GALNT2: variants seen among roughly 807,000 people sequenced by gnomAD.
GALNT2 encodes UDP-GalNAc:polypeptide N-acetylgalactosaminyltransferase 2.
Under a neutral mutation model 81.4 loss-of-function variants are expected in GALNT2, and 31 were observed. That is an observed-to-expected ratio of 0.38 (90% CI 0.29 to 0.51). GALNT2 has a LOEUF of 0.51. Ranked by LOEUF, GALNT2 falls within the 20% of genes least tolerant of loss-of-function variation. GALNT2 has a pLI of 0.87. For synonymous variants in GALNT2, 303 were observed against 287.4 expected, an observed-to-expected ratio of 1.05 and a Z score of -0.55; for missense variants, 629 against 765.7, an observed-to-expected ratio of 0.82 and a Z score of 2.11.
At chr1:230,247,320 T>C (rs1558159432) in intron 8 of GALNT2, among the ~76,000 whole-genome samples, 1 of 152,232 alleles carries the variant, frequency 6.6e-6, no homozygotes, top group Non-Finnish European at 1.5e-5. Flanking sequence ...CATTGTGGGC[T>C]TTGGCCCCAC....
intron 1 of GALNT2, among the ~76,000 whole-genome samples, chr1:230,101,668 T>C (rs1322288388): frequency 1.3e-5 from 2 of 152,044 alleles, no homozygotes; most frequent in African/African-American, 4.8e-5. Context: ...AACATAAGAG[T>C]GATGGAGGAA....
chr1:230,133,821 G>A (rs1253738598), intron 1 of GALNT2, among the ~76,000 whole-genome samples: 1 of 152,174 alleles, frequency 6.6e-6, no homozygotes, highest in Admixed American at 6.5e-5. Context: ...CCCGTAGCCT[G>A]CTTTTCTCAT....
intron 10 of GALNT2, among the ~76,000 whole-genome samples, chr1:230,251,753 G>A (rs1013494049): frequency 3.3e-5 from 5 of 152,178 alleles, no homozygotes; most frequent in East Asian, 1.9e-4. Flanking sequence ...GCAGCGTATC[G>A]TGTAGGTGGC....
chr1:230,242,315 A>G (rs1254301617), intron 6 of GALNT2, among the ~76,000 whole-genome samples: 1 of 152,198 alleles, frequency 6.6e-6, no homozygotes, highest in Non-Finnish European at 1.5e-5. Context: ...TTTTGCAATT[A>G]TCACAACTTA....
intron 10 of GALNT2, among the ~76,000 whole-genome samples, chr1:230,252,032 C>T (rs1665559891): frequency 2.0e-5 from 3 of 152,196 alleles, no homozygotes; most frequent in Admixed American, 1.3e-4. Flanking sequence ...AGGAGCACAT[C>T]TCTGCCCAGG....
chr1:230,175,513 G>T (rs1036706520), intron 1 of GALNT2, among the ~76,000 whole-genome samples: 1 of 151,564 alleles, frequency 6.6e-6, no homozygotes, highest in Non-Finnish European at 1.5e-5. Context: ...TTAGGCAGCA[G>T]TCACCATGGT....
At chr1:230,260,903 C>G (rs1665857837) in intron 11 of GALNT2, among the ~76,000 whole-genome samples, 1 of 152,142 alleles carries the variant, frequency 6.6e-6, no homozygotes, top group African/African-American at 2.4e-5. Context: ...CTTGTTTGCT[C>G]ACTGGCTCTC....
chr1:230,275,271 G>A lies in GALNT2; in HGVS notation c.1560+707G>A, dbSNP rs1336956631. On this transcript the variant is annotated intron_variant, in intron 15 of 15. Coordinates refer to ENST00000366672, the MANE Select transcript of GALNT2 (RefSeq NM_004481.5). The surrounding 1 kb of genome is among the most constrained non-coding windows in gnomAD (Gnocchi z 5.5). ...ATATATACATATATACACACCACATGTATACGTATATATAGATGCCACATT... is the reference window on the plus strand; with the variant it reads ...ATATATACATATATACACACCACATATATACGTATATATAGATGCCACATT... Among the ~76,000 whole-genome samples the A allele has an allele frequency of 6.7e-6, 1 of 148,570 alleles. No homozygotes were observed. Among genetic ancestry groups the A allele is most frequent in the African/African-American group, 2.5e-5 (1 of 40,158 alleles).
chr1:230,163,156 C>G (rs894929617), intron 1 of GALNT2, among the ~76,000 whole-genome samples: 2 of 117,908 alleles, frequency 1.7e-5, no homozygotes, highest in Admixed American at 9.3e-5. Flanking sequence ...CTTTGAAACT[C>G]CGCATTAAAA....
In GALNT2 at chr1:230,115,099, G is replaced by A. The variant is rs112836958; in HGVS notation, c.126+47693G>A. On this transcript the variant is annotated intron_variant, in intron 1 of 15. Coordinates refer to ENST00000366672, the MANE Select transcript of GALNT2 (RefSeq NM_004481.5). ...CGGCTCATTGCAACCTCTGCCACCC[G>A]GGTTCAAGCGATTCTCCTGCCTCAG... 2.0e-3 allele frequency among the ~76,000 whole-genome samples: 293 copies of A among 149,528 alleles called. 1 individual carries two copies. The Middle Eastern group carries it at 0.024, about 12-fold the overall frequency.
chr1:230,141,356 A>G (rs1205100801), intron 1 of GALNT2, among the ~76,000 whole-genome samples: 5 of 152,160 alleles, frequency 3.3e-5, no homozygotes, highest in Non-Finnish European at 7.4e-5. Flanking sequence ...TGTCTTAACC[A>G]TCCTTAAATT....
intron 2 of GALNT2, among the ~76,000 whole-genome samples, chr1:230,196,704 G>C (rs532941215): frequency 1.3e-5 from 2 of 152,108 alleles, no homozygotes. Flanking sequence ...GGCAGGCCCC[G>C]CTTCTCCTCA....
chr1:230,193,636 G>T lies in GALNT2; in HGVS notation c.221-9501G>T, dbSNP rs1663598468. Among the ~76,000 whole-genome samples, 1 of 152,004 alleles carries T rather than the reference G, an allele frequency of 6.6e-6. No individual in the cohort carries two copies. Among genetic ancestry groups the T allele is most frequent in the South Asian group, 2.1e-4 (1 of 4,828 alleles). ...TAGTAAAAACAAAAATTTTAAGAAA[G>T]AAGTGGCATTGTTTGGAAAGGTAGC... On this transcript the variant is annotated intron_variant, in intron 2 of 15. Coordinates refer to ENST00000366672, the MANE Select transcript of GALNT2 (RefSeq NM_004481.5). This position sits in a 1 kb window ranked among gnomAD's most constrained non-coding sequence, Gnocchi z 4.3.
chr1:230,250,651 A>G lies in GALNT2; in HGVS notation c.1009+91A>G, dbSNP rs975055238. On this transcript the variant is annotated intron_variant, in intron 10 of 15. Coordinates refer to ENST00000366672, the MANE Select transcript of GALNT2 (RefSeq NM_004481.5). The stretch of plus-strand genomic sequence containing the variant: ...TTGGAAAAAAAATTTAAAAGGCTTC[A>G]GAGTGACCATTCACTGGGCTTAATC... The G allele has an allele frequency of 1.2e-5, 10 of 825,356 alleles. No individual in the cohort carries two copies. In the East Asian group the frequency reaches 2.3e-4, roughly 19 times the overall value. The allele number at this position is 825,356 out of a possible 1,614,324, so 51.1% of individuals were successfully genotyped here. A position where few individuals can be genotyped will look rare whatever the true frequency, so the allele number is the denominator to read the frequency against.
At chr1:230,180,511 A>G (rs1302466072) in intron 2 of GALNT2, among the ~76,000 whole-genome samples, 3 of 151,856 alleles carry the variant, frequency 2.0e-5, no homozygotes, top group African/African-American at 4.8e-5. Context: ...CTTGATTACC[A>G]TGACTTCATG....
At chr1:230,265,961 G>A (rs1165757049) in intron 14 of GALNT2, among the ~76,000 whole-genome samples, 1 of 152,228 alleles carries the variant, frequency 6.6e-6, no homozygotes, top group East Asian at 1.9e-4. Flanking sequence ...GGAGGCTGTG[G>A]TGGGTGGATC....
chr1:230,226,628 A>G (rs576380630), intron 3 of GALNT2, among the ~76,000 whole-genome samples: 50 of 152,280 alleles, frequency 3.3e-4, no homozygotes, highest in African/African-American at 1.2e-3. Flanking sequence ...CTTTCCGAAC[A>G]CATGCGGAGG....
chr1:230,116,914 C>T (rs766986354), intron 1 of GALNT2, among the ~76,000 whole-genome samples: 11 of 152,216 alleles, frequency 7.2e-5, no homozygotes, highest in Non-Finnish European at 1.0e-4. Flanking sequence ...GTATTAGCCT[C>T]TTACAGGAGA....
chr1:230,221,266 GTTTA>G (rs1356228644), intron 3 of GALNT2, among the ~76,000 whole-genome samples: 5 of 151,972 alleles, frequency 3.3e-5, no homozygotes, highest in Non-Finnish European at 5.9e-5. Context: ...CCCATTTTAT[GTTTA>G]TTTAGCTAGC....
Sources: gnomAD v4.1 joint callset for allele counts (sites outside exome capture counted in the v4.1 genomes callset) on GRCh38, gnomAD v4.1.1 for gene constraint, Gnocchi (gnomAD v3.1) non-coding constraint, MANE v1.5 for transcripts, NCBI Gene and HGNC (gene_info 2026-07-23, HGNC 2026-07-21) for gene names.